SESTD1: variants seen among roughly 807,000 people sequenced by gnomAD.
The protein encoded by SESTD1 is SEC14 domain and spectrin repeat-containing protein 1.
A neutral mutation model predicts 101.7 loss-of-function variants in SESTD1; 43 were observed. The ratio of observed to expected loss-of-function variants is 0.42; its 90% CI spans 0.33 to 0.55. The LOEUF is 0.55. Among genes scored for constraint, SESTD1 ranks in the 20% least tolerant of loss-of-function variants. The pLI is 0.07. For synonymous variants in SESTD1, 283 were observed against 286.8 expected, an observed-to-expected ratio of 0.99 and a Z score of 0.13; for missense variants, 647 against 815.1, an observed-to-expected ratio of 0.79 and a Z score of 2.51.
intron 1 of SESTD1, among the ~76,000 whole-genome samples, chr2:179,232,555 A>G (rs999967803): frequency 6.6e-6 from 1 of 152,174 alleles, no homozygotes; most frequent in Non-Finnish European, 1.5e-5. Flanking sequence ...CACGTATTAC[A>G]AAGATTATTT....
At chr2:179,247,600 A>T (rs201216314) in intron 1 of SESTD1, among the ~76,000 whole-genome samples, 14 of 149,210 alleles carry the variant, frequency 9.4e-5, no homozygotes, top group Admixed American at 2.7e-4. Flanking sequence ...AATTTGTTAA[A>T]TTTTTTTTTT....
At chr2:179,168,973 A>G (rs1204150548) in intron 5 of SESTD1, among the ~76,000 whole-genome samples, 2 of 152,194 alleles carry the variant, frequency 1.3e-5, no homozygotes, top group Non-Finnish European at 2.9e-5. Flanking sequence ...TAAGGTAACC[A>G]TTAAAATAAT....
At chr2:179,253,324 A>G (rs1215243382) in intron 1 of SESTD1, among the ~76,000 whole-genome samples, 1 of 152,230 alleles carries the variant, frequency 6.6e-6, no homozygotes, top group Non-Finnish European at 1.5e-5. Context: ...GGTTCCTGAA[A>G]CAGAAAAGAA....
chr2:179,225,533 C>CA (rs1324229303), intron 1 of SESTD1, among the ~76,000 whole-genome samples: 2 of 151,798 alleles, frequency 1.3e-5, no homozygotes, highest in Non-Finnish European at 2.9e-5. Context: ...GCTACTGTAA[C>CA]AAAAAAACCT....
Position 179,116,776 on chromosome 2 carries a change from T to C in SESTD1, c.1539A>G (p.Leu513=). ...TAAGCAGAGCATCCAGAAGTTCACT[T>C]AGCCATTCTACTGCCTAAACAAAAA... ...EEDAAQAVEW[L]SELLDALLKT... The change falls in exon 15 of 18, where the codon CTA becomes CTG. Residue 513 remains leucine, a synonymous_variant. Coordinates refer to ENST00000428443, the MANE Select transcript of SESTD1 (RefSeq NM_178123.5). The C allele has an allele frequency of 6.2e-7, 1 of 1,613,900 alleles. No individual in the cohort carries two copies. Among genetic ancestry groups the C allele is most frequent in the Admixed American group, 1.7e-5 (1 of 60,028 alleles).
chr2:179,121,725 T>C (rs1039962102), intron 13 of SESTD1, 45 bp downstream of exon 13: 1 of 1,473,848 alleles, frequency 6.8e-7, no homozygotes, highest in African/African-American at 1.4e-5. Context: ...TTTTAACTAA[T>C]ATTGTTATTA....
intron 1 of SESTD1, among the ~76,000 whole-genome samples, chr2:179,195,872 T>C (rs1195728810): frequency 6.6e-6 from 1 of 150,686 alleles, no homozygotes; most frequent in Non-Finnish European, 1.5e-5. Flanking sequence ...AGACTTCGTA[T>C]GAGAAAAAAA....
At chr2:179,244,596 CA>C (rs146754835) in intron 1 of SESTD1, among the ~76,000 whole-genome samples, 8,458 of 151,950 alleles carry the variant, frequency 0.056, 298 homozygotes, top group South Asian at 0.09. Flanking sequence ...AGGGAGAAAT[CA>C]AAACATTCTC....
intron 5 of SESTD1, among the ~76,000 whole-genome samples, chr2:179,160,426 G>C (rs1226355084): frequency 6.6e-6 from 1 of 151,746 alleles, no homozygotes; most frequent in East Asian, 1.9e-4. Context: ...GTGAATTAGA[G>C]CACAAATATT....
intron 1 of SESTD1, among the ~76,000 whole-genome samples, chr2:179,238,693 T>C (rs1376864665): frequency 2.0e-5 from 3 of 151,874 alleles, no homozygotes; most frequent in Admixed American, 1.3e-4. Context: ...GGAGTCATAA[T>C]ATAATAAACC....
At chr2:179,131,366 T>C (rs1311589800) in intron 10 of SESTD1, among the ~76,000 whole-genome samples, 1 of 152,190 alleles carries the variant, frequency 6.6e-6, no homozygotes, top group Non-Finnish European at 1.5e-5. Context: ...TCTTGTTTAG[T>C]TAAAAATGGA....
intron 1 of SESTD1, among the ~76,000 whole-genome samples, chr2:179,195,273 G>C (rs2046373224): frequency 6.6e-6 from 1 of 152,188 alleles, no homozygotes; most frequent in Non-Finnish European, 1.5e-5. Flanking sequence ...CCCCCATGCT[G>C]TTCTTGTGAT....
chr2:179,128,332 G>A (rs1370624006), intron 10 of SESTD1, among the ~76,000 whole-genome samples: 1 of 152,146 alleles, frequency 6.6e-6, no homozygotes, highest in Non-Finnish European at 1.5e-5. Context: ...ACCGATTGAG[G>A]TTGCCATAAA....
At chr2:179,163,599 A>G (rs1278064658) in intron 5 of SESTD1, among the ~76,000 whole-genome samples, 1 of 150,852 alleles carries the variant, frequency 6.6e-6, no homozygotes, top group Non-Finnish European at 1.5e-5. Context: ...AAAGATCACT[A>G]CCCTGCACAA....
chr2:179,199,313 A>G (rs2105506777), intron 1 of SESTD1, among the ~76,000 whole-genome samples: 1 of 152,276 alleles, frequency 6.6e-6, no homozygotes, highest in South Asian at 2.1e-4. Context: ...GCAATATTCA[A>G]TAGCTTACCA....
At chr2:179,161,463 C>T (rs1259028612) in intron 5 of SESTD1, among the ~76,000 whole-genome samples, 2 of 152,070 alleles carry the variant, frequency 1.3e-5, no homozygotes, top group Non-Finnish European at 2.9e-5. Flanking sequence ...GAGATCCAGA[C>T]CATCCTGGCC....
chr2:179,150,545 G>A (rs1057220575), intron 6 of SESTD1, among the ~76,000 whole-genome samples: 1 of 151,672 alleles, frequency 6.6e-6, no homozygotes, highest in Non-Finnish European at 1.5e-5. Context: ...CTGTTGGCTG[G>A]GAGCAGTGGC....
intron 3 of SESTD1, among the ~76,000 whole-genome samples, chr2:179,177,088 C>G (rs2046024161): frequency 6.6e-6 from 1 of 152,112 alleles, no homozygotes; most frequent in Admixed American, 6.6e-5. Context: ...TTGGACAGAC[C>G]ATGTCTAACC....
chr2:179,192,683 T>C (rs2046335604), intron 1 of SESTD1, among the ~76,000 whole-genome samples: 1 of 152,236 alleles, frequency 6.6e-6, no homozygotes, highest in Non-Finnish European at 1.5e-5. Context: ...AATGGAGGTT[T>C]TGCCATGGCA....
Sources: gnomAD v4.1 joint callset for allele counts (sites outside exome capture counted in the v4.1 genomes callset) on GRCh38, gnomAD v4.1.1 for gene constraint, MANE v1.5 for transcripts, NCBI Gene and HGNC (gene_info 2026-07-23, HGNC 2026-07-21) for gene names.